MSRB3: variants seen among roughly 807,000 people sequenced by gnomAD.
The protein encoded by MSRB3 is methionine sulfoxide reductase B3, also known as methionine-R-sulfoxide reductase B3.
MSRB3 carries 13 observed loss-of-function variants against 21.0 expected under a neutral mutation model. The observed-to-expected ratio is 0.62, with a 90% CI of 0.40 to 0.98. The LOEUF is 0.98. Ranked by LOEUF, MSRB3 falls within the 50% of genes least tolerant of loss-of-function variation. The pLI, the probability that MSRB3 is intolerant of heterozygous loss-of-function variation, is 0.00. For missense variants in MSRB3, 199 were observed against 230.3 expected, an observed-to-expected ratio of 0.86 and a Z score of 0.88; for synonymous variants, 87 against 88.6, an observed-to-expected ratio of 0.98 and a Z score of 0.10.
At chr12:65,447,719 G>A (rs1186525699) in intron 5 of MSRB3, among the ~76,000 whole-genome samples, 4 of 152,132 alleles carry the variant, frequency 2.6e-5, no homozygotes, top group Non-Finnish European at 5.9e-5. Context: ...TGCTGTAATC[G>A]TTAGAGAAAG....
At chr12:65,290,609 GA>G (rs2093859110) in intron 1 of MSRB3, among the ~76,000 whole-genome samples, 1 of 152,102 alleles carries the variant, frequency 6.6e-6, no homozygotes, top group Non-Finnish European at 1.5e-5. Context: ...TAACTGGGGG[GA>G]AAAGTATGCC....
At chr12:65,284,104 A>G (rs1216350920) in intron 1 of MSRB3, 1 of 152,266 alleles carries the variant, frequency 6.6e-6, no homozygotes, top group Non-Finnish European at 1.5e-5. Flanking sequence ...ATAAAGTGGA[A>G]TAGTGGGACA....
intron 5 of MSRB3, among the ~76,000 whole-genome samples, chr12:65,451,463 A>T (rs1882855322): frequency 6.6e-6 from 1 of 152,278 alleles, no homozygotes; most frequent in Middle Eastern, 3.4e-3. Flanking sequence ...GTAGAAAAAA[A>T]TTGAGGAAGA....
intron 5 of MSRB3, among the ~76,000 whole-genome samples, chr12:65,443,985 G>A (rs1413280528): frequency 6.6e-6 from 1 of 152,052 alleles, no homozygotes; most frequent in African/African-American, 2.4e-5. Context: ...TGTAAATAAT[G>A]AAATATGTGA....
intron 5 of MSRB3, among the ~76,000 whole-genome samples, chr12:65,392,550 T>C (rs886568148): frequency 2.0e-5 from 3 of 152,150 alleles, no homozygotes; most frequent in Non-Finnish European, 4.4e-5. Context: ...TCCCAAGTAA[T>C]ACCTTTGGTA....
chr12:65,406,159 C>T (rs956707695), intron 5 of MSRB3, among the ~76,000 whole-genome samples: 6 of 152,176 alleles, frequency 3.9e-5, no homozygotes, highest in African/African-American at 1.2e-4. Context: ...TAAGTGTCAT[C>T]GAGCTTTCTC....
chr12:65,356,719 A>T (rs765293906), intron 4 of MSRB3, among the ~76,000 whole-genome samples: 1 of 151,944 alleles, frequency 6.6e-6, no homozygotes, highest in Non-Finnish European at 1.5e-5. Flanking sequence ...TTAGCTAGAG[A>T]ACTTAAAAGT....
At chr12:65,384,582 T>C (rs192998473) in intron 5 of MSRB3, among the ~76,000 whole-genome samples, 6 of 152,282 alleles carry the variant, frequency 3.9e-5, no homozygotes. Context: ...ACCCTAAAAT[T>C]TACAACTAGT....
At chr12:65,396,042 C>T (rs913223967) in intron 5 of MSRB3, among the ~76,000 whole-genome samples, 6 of 151,968 alleles carry the variant, frequency 3.9e-5, no homozygotes, top group African/African-American at 1.5e-4. Context: ...CTTTTGCTTA[C>T]TGTAGATTGT....
At chr12:65,322,541 G>A (rs549502509) in intron 2 of MSRB3, among the ~76,000 whole-genome samples, 13 of 151,536 alleles carry the variant, frequency 8.6e-5, no homozygotes, top group Admixed American at 3.3e-4. Context: ...TGTAATCCCA[G>A]CCACTCTGGA....
intron 5 of MSRB3, among the ~76,000 whole-genome samples, chr12:65,421,835 T>C (rs1456531341): frequency 2.0e-5 from 3 of 152,298 alleles, no homozygotes; most frequent in Non-Finnish European, 4.4e-5. Flanking sequence ...GTTGGCATAA[T>C]AAGCAGTTAA....
At chr12:65,308,059 G>A (rs1489158300) in intron 1 of MSRB3, among the ~76,000 whole-genome samples, 1 of 152,080 alleles carries the variant, frequency 6.6e-6, no homozygotes, top group Non-Finnish European at 1.5e-5. Flanking sequence ...AGTATAGCAG[G>A]GTTTTTTAGT....
intron 1 of MSRB3, among the ~76,000 whole-genome samples, chr12:65,286,902 T>A (rs923727620): frequency 1.3e-5 from 2 of 148,724 alleles, no homozygotes; most frequent in African/African-American, 4.9e-5. Context: ...GCACCTGTGG[T>A]CCCACCTCCT....
At chr12:65,337,984 A>C (rs1875893656) in intron 4 of MSRB3, among the ~76,000 whole-genome samples, 1 of 152,144 alleles carries the variant, frequency 6.6e-6, no homozygotes, top group Admixed American at 6.6e-5. Context: ...TGTAGCCCCC[A>C]CCTCTACTCC....
At chr12:65,335,564 A>C (rs950978197) in intron 4 of MSRB3, among the ~76,000 whole-genome samples, 7 of 152,160 alleles carry the variant, frequency 4.6e-5, no homozygotes, top group Non-Finnish European at 8.8e-5. Context: ...TCTGTTCACC[A>C]CTAAAAGAGA....
intron 1 of MSRB3, among the ~76,000 whole-genome samples, chr12:65,294,914 T>C (rs1872869087): frequency 6.6e-6 from 1 of 152,160 alleles, no homozygotes; most frequent in Non-Finnish European, 1.5e-5. Flanking sequence ...CTCGAACTCC[T>C]GGGCTCAAGT....
At chr12:65,459,661 C>G (rs1883236467) in intron 6 of MSRB3, among the ~76,000 whole-genome samples, 1 of 152,126 alleles carries the variant, frequency 6.6e-6, no homozygotes, top group Admixed American at 6.5e-5. Context: ...TTTGAAAATG[C>G]TTCATTTCAT....
At chr12:65,388,973 T>C (rs1879331155) in intron 5 of MSRB3, among the ~76,000 whole-genome samples, 1 of 152,236 alleles carries the variant, frequency 6.6e-6, no homozygotes, top group Non-Finnish European at 1.5e-5. Context: ...TTCTTCTACC[T>C]TGTTTATTAA....
intron 4 of MSRB3, among the ~76,000 whole-genome samples, chr12:65,351,895 C>A (rs894909787): frequency 3.0e-4 from 46 of 152,164 alleles, no homozygotes; most frequent in African/African-American, 9.9e-4. Context: ...CAAGGAGGAA[C>A]TGGTACCATT....
Sources: allele counts gnomAD v4.1 joint callset (sites outside exome capture counted in the v4.1 genomes callset), GRCh38; gene constraint gnomAD v4.1.1; transcripts MANE v1.5; gene names NCBI Gene and HGNC (gene_info 2026-07-23, HGNC 2026-07-21).